Variants in STX3 observed in about 807,000 individuals in gnomAD.
STX3 encodes the protein syntaxin 3.
In STX3, 19 loss-of-function variants were observed where a neutral mutation model predicts 40.2. That is an observed-to-expected ratio of 0.47 (90% CI 0.33 to 0.69). The LOEUF is 0.69. Among genes scored for constraint, STX3 ranks in the 30% least tolerant of loss-of-function variants. The pLI, the probability that STX3 is intolerant of heterozygous loss-of-function variation, is 0.02. For synonymous variants in STX3, 122 were observed against 132.2 expected, an observed-to-expected ratio of 0.92 and a Z score of 0.53; for missense variants, 364 against 366.7, an observed-to-expected ratio of 0.99 and a Z score of 0.06.
At chr11:59,773,072 A>G (rs950025453) in intron 1 of STX3, 139 bp from the exon 2 acceptor site, 42 of 755,400 alleles carry the variant, frequency 5.6e-5, no homozygotes, top group Non-Finnish European at 9.3e-5. Flanking sequence ...GGAATTTGAT[A>G]TATCAGAGAG....
chr11:59,799,685 C>T (rs1446547512), intron 10 of STX3: 5 of 985,440 alleles, frequency 5.1e-6, no homozygotes, highest in Non-Finnish European at 6.0e-6. Flanking sequence ...TGTGTCTCTT[C>T]TTATTCCTCC....
chr11:59,802,499 T>C lies in STX3; in HGVS notation c.*1675T>C, dbSNP rs920344214. On this transcript the variant is annotated 3_prime_UTR_variant, in exon 11 of 11. Transcript: ENST00000337979. ...AGCCAAGGCAATATCCTCTTGCCCA[T>C]GGCTATGATGTCAGACAGTGGATGG... is the stretch of plus-strand genomic sequence containing the variant. 6 of 985,712 alleles carry C rather than the reference T, an allele frequency of 6.1e-6. No individual in the cohort carries two copies. Among genetic ancestry groups the C allele is most frequent in the Non-Finnish European group, 6.0e-6 (5 of 829,892 alleles). 61.1% of individuals were successfully genotyped at this position (985,712 alleles called of 1,614,324 possible). A position where few individuals can be genotyped will look rare whatever the true frequency, so the allele number is the denominator to read the frequency against.
chr11:59,766,854 C>T (rs950681328), intron 1 of STX3, among the ~76,000 whole-genome samples: 2 of 152,192 alleles, frequency 1.3e-5, no homozygotes, highest in African/African-American at 4.8e-5. Flanking sequence ...CCTTCTCTGA[C>T]CTGCATGTTC....
chr11:59,802,118 A>G lies in STX3; in HGVS notation c.*1294A>G. On this transcript the variant is annotated 3_prime_UTR_variant, in exon 11 of 11. Transcript: ENST00000337979. ...ACTTGATATTCACATGACCTACAGG[A>G]TGTCCCATCTGCAGGGCTGAGTCAG... 2.0e-6 allele frequency: 2 copies of G among 985,388 alleles called. No homozygotes were observed. Among genetic ancestry groups the G allele is most frequent in the Non-Finnish European group, 2.4e-6 (2 of 829,926 alleles). 61.0% of individuals were successfully genotyped at this position (985,388 alleles called of 1,614,324 possible).
intron 1 of STX3, among the ~76,000 whole-genome samples, 176 bp downstream of exon 1, chr11:59,755,811 A>T (rs959264601): frequency 6.6e-6 from 1 of 151,310 alleles, no homozygotes; most frequent in African/African-American, 2.4e-5. Flanking sequence ...CTGCGGGGTC[A>T]TGTGCCCGGT....
At chr11:59,761,187 G>C (rs1372760254) in intron 1 of STX3, among the ~76,000 whole-genome samples, 4 of 152,184 alleles carry the variant, frequency 2.6e-5, no homozygotes, top group Non-Finnish European at 4.4e-5. Context: ...AGATGACATG[G>C]AAGGTTGCCC....
In STX3 at chr11:59,805,176, TAAAAAAAAAAA is replaced by T. The variant is rs371101239; in HGVS notation, c.*4358_*4368del. 1 of 80,704 alleles carries T rather than the reference TAAAAAAAAAAA, an allele frequency of 1.2e-5. No homozygotes were observed. Among genetic ancestry groups the T allele is most frequent in the Non-Finnish European group, 2.7e-5 (1 of 37,350 alleles). 5.0% of individuals were successfully genotyped at this position (80,704 alleles called of 1,614,324 possible). On this transcript the variant is annotated 3_prime_UTR_variant, in exon 11 of 11. Coordinates refer to ENST00000337979, the MANE Select transcript of STX3 (RefSeq NM_004177.5). Reference sequence around the variant, plus strand: ...TGGGCAACAAGAGCTAAATTCCATCTAAAAAAAAAAAAAAAACAAAAAAAAAAAACTGTTCT... The same window carrying T: ...TGGGCAACAAGAGCTAAATTCCATCTAAAAACAAAAAAAAAAAACTGTTCT...
intron 2 of STX3, among the ~76,000 whole-genome samples, chr11:59,786,648 C>T (rs886095735): frequency 1.3e-5 from 2 of 151,560 alleles, no homozygotes; most frequent in South Asian, 4.2e-4. Flanking sequence ...TCCTTTTTCC[C>T]CTCTCCTTCA....
At chr11:59,781,686 C>T (rs920938827) in intron 2 of STX3, 64 of 1,602,128 alleles carry the variant, frequency 4.0e-5, no homozygotes, top group Admixed American at 1.5e-4. Flanking sequence ...GTCCACCAGG[C>T]GCCATCTTCC....
intron 1 of STX3, among the ~76,000 whole-genome samples, chr11:59,771,403 T>TCCCC (rs1367914976): frequency 2.9e-5 from 1 of 34,694 alleles, no homozygotes; most frequent in African/African-American, 1.3e-4. Context: ...TCCCCCCACC[T>TCCCC]CCCCCCCCCC....
intron 2 of STX3, chr11:59,781,541 C>G (rs1363819001): frequency 6.2e-7 from 1 of 1,613,734 alleles, no homozygotes; most frequent in Admixed American, 1.7e-5. Flanking sequence ...GTGTTGTTTT[C>G]AAAGTGCTCT....
At chr11:59,755,759 C>T (rs2134836190) in intron 1 of STX3, 124 bp downstream of exon 1, 15 of 1,308,318 alleles carry the variant, frequency 1.1e-5, no homozygotes, top group Non-Finnish European at 1.5e-5. Context: ...CCCAAGCCCC[C>T]ACCGCTTCCC....
intron 5 of STX3, 92 bp from the exon 6 acceptor site, chr11:59,792,015 T>C (rs1446567165): frequency 6.9e-6 from 7 of 1,017,054 alleles, no homozygotes; most frequent in Non-Finnish European, 1.1e-5. Context: ...CCAAGTCCAG[T>C]GCTATTGTAG....
rs1864530420 is a variant in STX3, at chr11:59,783,230, G to A, written c.115-3807G>A. ...ACTGATCCATTCTCCCAAAACAGTG[G>A]ATTGAACATGCACATTAACCTGATG... On this transcript the variant is annotated intron_variant, in intron 2 of 10. Transcript: ENST00000337979. Among the ~76,000 whole-genome samples, 4 of 152,140 alleles carry A rather than the reference G, an allele frequency of 2.6e-5. No individual in the cohort carries two copies. In the South Asian group the frequency reaches 8.3e-4, roughly 32 times the overall value.
intron 6 of STX3, 86 bp downstream of exon 6, chr11:59,792,301 G>A (rs1865231622): frequency 2.7e-6 from 3 of 1,123,768 alleles, no homozygotes; most frequent in Non-Finnish European, 1.3e-6. Context: ...GGTGGAGCAA[G>A]CAGGAAGCAC....
chr11:59,783,159 C>T (rs1044406539), intron 2 of STX3, among the ~76,000 whole-genome samples: 4 of 152,032 alleles, frequency 2.6e-5, no homozygotes, highest in South Asian at 2.1e-4. Flanking sequence ...CTATAGGGAG[C>T]GGTGGTGAGA....
chr11:59,796,370 G>A (rs1424917363), intron 9 of STX3, among the ~76,000 whole-genome samples: 1 of 152,216 alleles, frequency 6.6e-6, no homozygotes, highest in East Asian at 1.9e-4. Context: ...TGGTTATCCA[G>A]CTCTGGTGGC....
chr11:59,788,996 C>T (rs1565184434), intron 4 of STX3, 49 bp downstream of exon 4: 1 of 1,527,116 alleles, frequency 6.5e-7, no homozygotes, highest in South Asian at 1.2e-5. Context: ...CCATCTATCT[C>T]AGCTCCCCTA....
chr11:59,761,909 C>T (rs1863058932), intron 1 of STX3, among the ~76,000 whole-genome samples: 1 of 151,986 alleles, frequency 6.6e-6, no homozygotes, highest in African/African-American at 2.4e-5. Context: ...CCTGTCTAGT[C>T]CTCTCCTGGT....
Sources: gnomAD v4.1 joint callset for allele counts (sites outside exome capture counted in the v4.1 genomes callset) on GRCh38, gnomAD v4.1.1 for gene constraint, MANE v1.5 for transcripts, NCBI Gene and HGNC (gene_info 2026-07-23, HGNC 2026-07-21) for gene names.